Variants in ASIC2 observed in about 807,000 individuals in gnomAD.
The protein encoded by ASIC2 is acid-sensing ion channel 2.
In ASIC2, 25 loss-of-function variants were observed where a neutral mutation model predicts 57.3. The observed-to-expected ratio is 0.44, with a 90% CI of 0.32 to 0.61. The LOEUF (loss-of-function observed/expected upper bound fraction) is 0.61, where lower values mean the gene tolerates loss of function less well. ASIC2 is among the 20% of genes least tolerant of loss of function. The pLI is 0.06. For missense variants in ASIC2, 641 were observed against 738.1 expected, an observed-to-expected ratio of 0.87 and a Z score of 1.52; for synonymous variants, 319 against 307.5, an observed-to-expected ratio of 1.04 and a Z score of -0.39.
At chr17:33,993,343 A>G (rs896693048) in intron 1 of ASIC2, among the ~76,000 whole-genome samples, 1 of 152,218 alleles carries the variant, frequency 6.6e-6, no homozygotes, top group Non-Finnish European at 1.5e-5. Context: ...AAGAGACAGC[A>G]TCTTGACTTG....
intron 1 of ASIC2, among the ~76,000 whole-genome samples, chr17:33,594,489 C>G (rs1196509085): frequency 1.3e-5 from 2 of 152,194 alleles, no homozygotes; most frequent in Non-Finnish European, 2.9e-5. Flanking sequence ...CATTTATGCT[C>G]ACTATCTCAT....
chr17:33,561,166 A>G (rs780912078), intron 1 of ASIC2, among the ~76,000 whole-genome samples: 29 of 152,188 alleles, frequency 1.9e-4, no homozygotes, highest in Non-Finnish European at 3.5e-4. Flanking sequence ...ACTGGTAAGA[A>G]TTCTTTCCAC....
At chr17:34,150,295 A>C (rs1259967503) in intron 1 of ASIC2, among the ~76,000 whole-genome samples, 5 of 152,182 alleles carry the variant, frequency 3.3e-5, no homozygotes, top group Non-Finnish European at 7.3e-5. Flanking sequence ...GTTCAACAGG[A>C]GAGACAAGCC....
intron 1 of ASIC2, among the ~76,000 whole-genome samples, chr17:33,859,990 T>A (rs1053107998): frequency 3.3e-5 from 5 of 152,276 alleles, no homozygotes; most frequent in African/African-American, 9.6e-5. Flanking sequence ...AGCAGCCTTT[T>A]TTATATGCCA....
At chr17:33,818,483 C>G (rs979176225) in intron 1 of ASIC2, among the ~76,000 whole-genome samples, 3 of 152,126 alleles carry the variant, frequency 2.0e-5, no homozygotes, top group African/African-American at 7.2e-5. Flanking sequence ...GGATTTGAAG[C>G]TCTATGTGGC....
At chr17:33,409,856 T>C (rs1910595230) in intron 1 of ASIC2, among the ~76,000 whole-genome samples, 1 of 152,214 alleles carries the variant, frequency 6.6e-6, no homozygotes, top group Non-Finnish European at 1.5e-5. Context: ...AGTTTTGTTC[T>C]ATTCTAGCAC....
intron 3 of ASIC2, among the ~76,000 whole-genome samples, chr17:33,075,970 C>A (rs368118476): frequency 6.6e-6 from 1 of 152,138 alleles, no homozygotes; most frequent in Non-Finnish European, 1.5e-5. Flanking sequence ...GGCTGTCAAT[C>A]TAATGCAACT....
chr17:33,019,341 C>A (rs773800778), intron 7 of ASIC2, among the ~76,000 whole-genome samples: 11 of 150,830 alleles, frequency 7.3e-5, no homozygotes, highest in Admixed American at 2.6e-4. Flanking sequence ...GTGTGTCGAG[C>A]GTGTGTAGTG....
intron 1 of ASIC2, among the ~76,000 whole-genome samples, chr17:34,035,655 G>A (rs1907844492): frequency 6.6e-6 from 1 of 152,022 alleles, no homozygotes; most frequent in South Asian, 2.1e-4. Context: ...CTAATATCTA[G>A]AATCTACAAT....
chr17:33,333,155 CTTTG>C (rs998289482), intron 1 of ASIC2, among the ~76,000 whole-genome samples: 5 of 152,136 alleles, frequency 3.3e-5, no homozygotes, highest in East Asian at 1.9e-4. Context: ...ATGCTCCTGC[CTTTG>C]TTTGTTTGTT....
chr17:33,374,573 T>C (rs1026656961), intron 1 of ASIC2, among the ~76,000 whole-genome samples: 3 of 152,330 alleles, frequency 2.0e-5, no homozygotes, highest in South Asian at 2.1e-4. Context: ...GTTGGCGTTA[T>C]GTCAATTAAA....
chr17:33,052,547 A>G (rs2091981056), intron 3 of ASIC2: 1 of 152,266 alleles, frequency 6.6e-6, no homozygotes, highest in African/African-American at 2.4e-5. Flanking sequence ...GGAGCTTGGC[A>G]GGTGGAGGAT....
chr17:33,734,842 A>C (rs1273905239), intron 1 of ASIC2, among the ~76,000 whole-genome samples: 2 of 152,162 alleles, frequency 1.3e-5, no homozygotes, highest in Non-Finnish European at 2.9e-5. Flanking sequence ...CATTCATTTT[A>C]GACTTCCAGT....
At chr17:33,863,037 C>T (rs1376798390) in intron 1 of ASIC2, among the ~76,000 whole-genome samples, 1 of 152,196 alleles carries the variant, frequency 6.6e-6, no homozygotes, top group African/African-American at 2.4e-5. Flanking sequence ...AGCAAAGAGC[C>T]CTAGAGTGTT....
chr17:33,507,846 A>C (rs1033939461), intron 1 of ASIC2, among the ~76,000 whole-genome samples: 3 of 152,244 alleles, frequency 2.0e-5, no homozygotes, highest in Non-Finnish European at 4.4e-5. Context: ...CAGAGGTTGC[A>C]GTCAGCCAAG....
chr17:33,956,108 G>T (rs1255855002), intron 1 of ASIC2, among the ~76,000 whole-genome samples: 2 of 152,108 alleles, frequency 1.3e-5, no homozygotes, highest in Non-Finnish European at 2.9e-5. Context: ...TAGGGCTCAA[G>T]AAATAGCTAA....
At chr17:33,020,619 G>A (rs1402460396) in intron 7 of ASIC2, among the ~76,000 whole-genome samples, 1 of 152,212 alleles carries the variant, frequency 6.6e-6, no homozygotes, top group Non-Finnish European at 1.5e-5. Flanking sequence ...GATGCCACTG[G>A]AGCCGGGGAG....
chr17:33,804,458 C>T (rs533531114), intron 1 of ASIC2, among the ~76,000 whole-genome samples: 4 of 152,150 alleles, frequency 2.6e-5, no homozygotes, highest in Non-Finnish European at 4.4e-5. Context: ...CAGAAAGTAC[C>T]CAGTATATCG....
chr17:33,757,187 G>A (rs528139149), intron 1 of ASIC2, among the ~76,000 whole-genome samples: 5 of 152,338 alleles, frequency 3.3e-5, no homozygotes, highest in African/African-American at 1.2e-4. Context: ...CCCAGGAGGA[G>A]AACGAGGAGT....
Sources: gnomAD v4.1 joint callset for allele counts (sites outside exome capture counted in the v4.1 genomes callset) on GRCh38, gnomAD v4.1.1 for gene constraint, MANE v1.5 for transcripts, NCBI Gene and HGNC (gene_info 2026-07-23, HGNC 2026-07-21) for gene names.